The following GPC5 variants were observed in gnomAD, a reference collection of about 807,000 sequenced individuals.
GPC5 encodes the protein glypican-5.
In GPC5, 47 loss-of-function variants were observed where a neutral mutation model predicts 53.9. The ratio of observed to expected loss-of-function variants is 0.87; its 90% CI spans 0.69 to 1.11. The LOEUF (loss-of-function observed/expected upper bound fraction) is 1.11. GPC5 is among the 50% of genes most tolerant of loss of function. GPC5 has a pLI of 0.00. For missense variants in GPC5, 748 were observed against 713.1 expected, an observed-to-expected ratio of 1.05 and a Z score of -0.56; for synonymous variants, 286 against 263.3, an observed-to-expected ratio of 1.09 and a Z score of -0.84.
At chr13:92,445,454 A>C (rs61973621) in intron 7 of GPC5, among the ~76,000 whole-genome samples, 1 of 135,434 alleles carries the variant, frequency 7.4e-6, no homozygotes, top group Non-Finnish European at 1.6e-5. Context: ...TCCTAAAGCT[A>C]TCCCTCCTCC....
At chr13:92,297,570 G>A (rs1446612172) in intron 7 of GPC5, among the ~76,000 whole-genome samples, 2 of 152,118 alleles carry the variant, frequency 1.3e-5, no homozygotes, top group African/African-American at 4.8e-5. Context: ...GTATCTAGCT[G>A]CTCTGGTGGG....
Position 91,743,361 on chromosome 13 carries a change from G to A in GPC5, c.1155-12934G>A, listed in dbSNP as rs577236276. On this transcript the variant is annotated intron_variant, in intron 4 of 7. Transcript: ENST00000377067. ...CAGAATTTTTGGCAGAATCTGTGGG[G>A]GCATAATTTAAGATAATTGAAGTTT... Among the ~76,000 whole-genome samples the A allele has an allele frequency of 2.0e-5, 3 of 152,052 alleles. No individual in the cohort carries two copies. In the South Asian group the frequency reaches 6.2e-4, roughly 32 times the overall value.
At chr13:92,509,773 A>C (rs1308461509) in intron 7 of GPC5, 1 of 152,192 alleles carries the variant, frequency 6.6e-6, no homozygotes, top group Non-Finnish European at 1.5e-5. Flanking sequence ...TGTTGGGGGA[A>C]AATTATTTTT....
intron 7 of GPC5, among the ~76,000 whole-genome samples, chr13:92,299,736 A>T (rs1304338561): frequency 1.3e-5 from 2 of 152,304 alleles, no homozygotes; most frequent in East Asian, 3.9e-4. Context: ...CATCCTATGT[A>T]TCTAAAATTG....
At chr13:92,438,645 C>A (rs755509625) in intron 7 of GPC5, among the ~76,000 whole-genome samples, 5 of 151,952 alleles carry the variant, frequency 3.3e-5, no homozygotes, top group Non-Finnish European at 7.4e-5. Flanking sequence ...CGAGTGAGAC[C>A]ATTTACAAGG....
chr13:91,905,988 T>A (rs558916079), intron 5 of GPC5, among the ~76,000 whole-genome samples: 6 of 152,202 alleles, frequency 3.9e-5, no homozygotes, highest in African/African-American at 9.6e-5. Context: ...ACGTGTCACC[T>A]GAGTAGTGTA....
chr13:91,680,747 C>T (rs1393341657), intron 2 of GPC5, among the ~76,000 whole-genome samples: 2 of 152,174 alleles, frequency 1.3e-5, no homozygotes. Flanking sequence ...GCTCGATTTT[C>T]TTCATATACC....
At chr13:91,948,825 T>G (rs955641606) in intron 6 of GPC5, among the ~76,000 whole-genome samples, 1 of 152,158 alleles carries the variant, frequency 6.6e-6, no homozygotes, top group Non-Finnish European at 1.5e-5. Context: ...TCAAAGTAAA[T>G]TAGCCATGCA....
chr13:92,719,161 C>G (rs1566382923), intron 7 of GPC5, among the ~76,000 whole-genome samples: 1 of 149,214 alleles, frequency 6.7e-6, no homozygotes, highest in Non-Finnish European at 1.5e-5. Context: ...ATAGATGATT[C>G]CTATAGCCCC....
intron 6 of GPC5, among the ~76,000 whole-genome samples, chr13:92,134,635 T>C (rs929715869): frequency 3.3e-5 from 5 of 152,136 alleles, no homozygotes; most frequent in African/African-American, 1.2e-4. Flanking sequence ...TGCCCCTGGA[T>C]TTCAGTCATA....
chr13:91,421,504 T>C (rs940863613), intron 1 of GPC5, among the ~76,000 whole-genome samples: 5 of 152,098 alleles, frequency 3.3e-5, no homozygotes, highest in African/African-American at 4.8e-5. Context: ...CAAGTGATGA[T>C]AAAAGTGAAT....
At position 92,303,462 on chromosome 13, in the gene GPC5, G is replaced by GAA. The variant is rs36000571; in HGVS notation, c.1561+158482_1561+158483dup. 2.2e-3 allele frequency among the ~76,000 whole-genome samples: 328 copies of GAA among 148,654 alleles called. 1 individual carries two copies. Among genetic ancestry groups the GAA allele is most frequent in the African/African-American group, 7.6e-3 (310 of 40,588 alleles). On this transcript the variant is annotated intron_variant, in intron 7 of 7. Coordinates refer to ENST00000377067, the MANE Select transcript of GPC5 (RefSeq NM_004466.6). ...TAGGATTCCAAACAGGTCAGTAATT[G>GAA]AAAAAAAAAATGGTGGAAATAATAC...
intron 7 of GPC5, among the ~76,000 whole-genome samples, chr13:92,485,635 T>G (rs1317126979): frequency 6.6e-6 from 1 of 152,220 alleles, no homozygotes; most frequent in African/African-American, 2.4e-5. Context: ...GTCATTCCAC[T>G]TTGGATCATT....
chr13:92,797,370 T>C (rs1278258335), intron 7 of GPC5, among the ~76,000 whole-genome samples: 1 of 151,956 alleles, frequency 6.6e-6, no homozygotes, highest in Non-Finnish European at 1.5e-5. Flanking sequence ...ATTAACCTGT[T>C]TCTTGATTTA....
At chr13:91,452,302 G>A (rs1881238134) in intron 2 of GPC5, among the ~76,000 whole-genome samples, 1 of 152,020 alleles carries the variant, frequency 6.6e-6, no homozygotes, top group Non-Finnish European at 1.5e-5. Flanking sequence ...GTTTTTAGAA[G>A]GACTCATGAT....
chr13:92,422,791 T>C (rs1412966503), intron 7 of GPC5, among the ~76,000 whole-genome samples: 1 of 152,214 alleles, frequency 6.6e-6, no homozygotes, highest in Non-Finnish European at 1.5e-5. Context: ...CCAAAAGATA[T>C]ATTTTATACA....
chr13:92,474,670 TAC>T (rs1169149400), intron 7 of GPC5, among the ~76,000 whole-genome samples: 5 of 151,644 alleles, frequency 3.3e-5, no homozygotes, highest in African/African-American at 9.7e-5. Context: ...AAATTAGAAA[TAC>T]ATATTCTCAA....
intron 2 of GPC5, among the ~76,000 whole-genome samples, chr13:91,660,370 G>T (rs1293321100): frequency 6.6e-6 from 1 of 152,078 alleles, no homozygotes; most frequent in Non-Finnish European, 1.5e-5. Context: ...CTGTGGAGTG[G>T]CCCACATAAG....
At chr13:91,641,714 C>A (rs940179145) in intron 2 of GPC5, among the ~76,000 whole-genome samples, 4 of 152,182 alleles carry the variant, frequency 2.6e-5, no homozygotes, top group Non-Finnish European at 5.9e-5. Flanking sequence ...TACATGGTAT[C>A]ATATTTAGTT....
Sources: allele counts gnomAD v4.1 joint callset (sites outside exome capture counted in the v4.1 genomes callset), GRCh38; gene constraint gnomAD v4.1.1; transcripts MANE v1.5; gene names NCBI Gene and HGNC (gene_info 2026-07-23, HGNC 2026-07-21).